The following PRPSAP2 variants were observed in gnomAD, a reference collection of about 807,000 sequenced individuals.
The protein encoded by PRPSAP2 is phosphoribosyl pyrophosphate synthetase associated protein 2.
Under a neutral mutation model 40.6 loss-of-function variants are expected in PRPSAP2, and 24 were observed. The ratio of observed to expected loss-of-function variants is 0.59; its 90% CI spans 0.43 to 0.83. PRPSAP2 has a LOEUF of 0.83. Ranked by LOEUF, PRPSAP2 falls within the 40% of genes least tolerant of loss-of-function variation. PRPSAP2 has a pLI of 0.00. For missense variants in PRPSAP2, 292 were observed against 465.6 expected (o/e 0.63, Z 3.43); for synonymous variants, 149 against 164.7 (o/e 0.90, Z 0.73).
intron 4 of PRPSAP2, among the ~76,000 whole-genome samples, chr17:18,869,789 ATT>A (rs36014797): frequency 0.53 from 77,204 of 145,648 alleles, 20,603 homozygotes; most frequent in Middle Eastern, 0.6. Context: ...TTTTTCCAAC[ATT>A]TTTTTTTTTC....
At chr17:18,882,758 C>T in intron 7 of PRPSAP2, 75 bp downstream of exon 7, 1 of 942,234 alleles carries the variant, frequency 1.1e-6, no homozygotes, top group Non-Finnish European at 1.7e-6. Context: ...CCTTAGGATA[C>T]CCCTAAAGGA....
At chr17:18,885,877 G>A (rs1016097586) in intron 7 of PRPSAP2, among the ~76,000 whole-genome samples, 2 of 151,876 alleles carry the variant, frequency 1.3e-5, no homozygotes, top group East Asian at 1.9e-4. Flanking sequence ...GTGAACCACC[G>A]CACTTGGCCT....
intron 8 of PRPSAP2, among the ~76,000 whole-genome samples, chr17:18,902,486 A>T (rs919546212): frequency 2.6e-5 from 4 of 151,184 alleles, no homozygotes; most frequent in African/African-American, 9.9e-5. Context: ...AGTTCCACCA[A>T]ATGTTGTTTC....
At chr17:18,916,363 C>T (rs546213052) in intron 9 of PRPSAP2, among the ~76,000 whole-genome samples, 7 of 151,690 alleles carry the variant, frequency 4.6e-5, no homozygotes, top group Admixed American at 1.3e-4. Flanking sequence ...TAACAAAATA[C>T]CTTAGACTTG....
rs1000408724 is a variant in PRPSAP2, at chr17:18,930,482, C to A, written c.952-58C>A. The A allele has an allele frequency of 1.9e-5, 30 of 1,540,240 alleles. No individual in the cohort carries two copies. The Admixed American group carries it at 4.9e-4, about 25-fold the overall frequency. On this transcript the variant is annotated intron_variant, in intron 11 of 11. Transcript: ENST00000268835. ...TTGAGAAGCTGTCACATTTCCAGAT[C>A]AAACCATGAAGCTACTTGGCTTTCT...
Position 18,911,210 on chromosome 17 carries a change from T to C in PRPSAP2, c.692T>C (p.Val231Ala). ...LVDGRHSPPMVRSVAAIHPSL... is the reference protein window; with the variant it reads ...LVDGRHSPPMARSVAAIHPSL... The stretch of plus-strand genomic sequence containing the variant: ...GATGGACGGCATTCCCCACCCATGG[T>C]CAGAAGTGTGGCTGCCATCCACCCC... The change falls in exon 9 of 12, where the codon GTC (valine) becomes GCC (alanine). Residue 231 changes from valine (V) to alanine (A), a missense_variant. Physicochemically the swap from Val to Ala is moderately conservative, Grantham distance 64. Around this residue, in one of 2 missense-constraint regions of PRPSAP2, gnomAD observed 241 missense variants for 425.7 expected, o/e 0.57. Coordinates refer to ENST00000268835, the MANE Select transcript of PRPSAP2 (RefSeq NM_002767.4). This position sits in a 1 kb window ranked among gnomAD's most constrained non-coding sequence, Gnocchi z 4.5. 1.2e-6 allele frequency: 2 copies of C among 1,613,564 alleles called. No homozygotes were observed. The highest frequency in any genetic ancestry group is 1.1e-5 in the South Asian group (1 of 91,020).
At position 18,911,793 on chromosome 17, in the gene PRPSAP2, G is replaced by T. The variant is rs908817162; in HGVS notation, c.733+542G>T. 2.0e-5 allele frequency among the ~76,000 whole-genome samples: 3 copies of T among 152,232 alleles called. No individual in the cohort carries two copies. The highest frequency in any genetic ancestry group is 4.4e-5 in the Non-Finnish European group (3 of 68,042). ...ATACCTATTTGTCTTAGTTCAGGCT[G>T]CTGTGATGAAATACCTTAGACTGGG... On this transcript the variant is annotated intron_variant, in intron 9 of 11. Coordinates refer to ENST00000268835, the MANE Select transcript of PRPSAP2 (RefSeq NM_002767.4). The surrounding 1 kb of genome is among the most constrained non-coding windows in gnomAD (Gnocchi z 4.5).
chr17:18,875,705 T>C (rs746927460), intron 5 of PRPSAP2, among the ~76,000 whole-genome samples: 10 of 150,974 alleles, frequency 6.6e-5, no homozygotes, highest in Non-Finnish European at 1.0e-4. Context: ...AATACAAAAA[T>C]TAGCTGGGCG....
chr17:18,864,579 C>T lies in PRPSAP2; in HGVS notation c.-128-890C>T, dbSNP rs148742904. On this transcript the variant is annotated intron_variant, in intron 1 of 11. Transcript: ENST00000268835. The stretch of plus-strand genomic sequence containing the variant: ...GTGCTGGGATTACAGGTCTGAGCCA[C>T]CGCGCCCAGCCATGTTTCAGGTTTT... Among the ~76,000 whole-genome samples the T allele has an allele frequency of 3.3e-3, 498 of 152,210 alleles. 1 individual carries two copies. Among genetic ancestry groups the T allele is most frequent in the African/African-American group, 0.012 (482 of 41,518 alleles).
rs529647348 is a variant in PRPSAP2 at position 18,890,327 on chromosome 17, G to A, written c.584+450G>A. 1.9e-3 allele frequency among the ~76,000 whole-genome samples: 288 copies of A among 151,708 alleles called. 1 individual carries two copies. Among genetic ancestry groups the A allele is most frequent in the Non-Finnish European group, 3.4e-3 (231 of 67,896 alleles). On this transcript the variant is annotated intron_variant, in intron 8 of 11. Coordinates refer to ENST00000268835, the MANE Select transcript of PRPSAP2 (RefSeq NM_002767.4). ...TGGGATTACAGGCGTGCACCACCAT[G>A]CCTGGCTAATTTTTGTATTTTTAGT...
At chr17:18,878,392 T>G (rs1048886537) in intron 6 of PRPSAP2, among the ~76,000 whole-genome samples, 2 of 152,160 alleles carry the variant, frequency 1.3e-5, no homozygotes, top group African/African-American at 4.8e-5. Flanking sequence ...TAGATAGGCA[T>G]ATATTGGAAA....
At position 18,911,178 on chromosome 17, in the gene PRPSAP2, C is replaced by T. The variant is rs769331182; in HGVS notation, c.660C>T (p.Asp220=). ...GAGAGGCGCAGGATGCCGAGTCGGA[C>T]TTGGTGGATGGACGGCATTCCCCAC... ...IHGEAQDAES[D]LVDGRHSPPM... The change falls in exon 9 of 12, where the codon GAC becomes GAT. Residue 220 remains aspartate (D), a synonymous_variant. Transcript: ENST00000268835. This position sits in a 1 kb window ranked among gnomAD's most constrained non-coding sequence, Gnocchi z 4.5. The T allele has an allele frequency of 1.9e-6, 3 of 1,613,986 alleles. No individual in the cohort carries two copies. The highest frequency in any genetic ancestry group is 2.2e-5 in the South Asian group (2 of 91,058).
chr17:18,921,392 T>G (rs2041681687), intron 9 of PRPSAP2, among the ~76,000 whole-genome samples: 1 of 152,158 alleles, frequency 6.6e-6, no homozygotes, highest in South Asian at 2.1e-4. Flanking sequence ...GGCATTGAGG[T>G]CAAGTGTCCT....
At chr17:18,872,998 C>A (rs568377033) in intron 5 of PRPSAP2, among the ~76,000 whole-genome samples, 1 of 151,634 alleles carries the variant, frequency 6.6e-6, no homozygotes, top group African/African-American at 2.4e-5. Context: ...GGCGCCACCA[C>A]GCCTGGCTAA....
At chr17:18,892,233 T>C (rs781314061) in intron 8 of PRPSAP2, among the ~76,000 whole-genome samples, 75 of 152,300 alleles carry the variant, frequency 4.9e-4, no homozygotes, top group Admixed American at 1.3e-3. Context: ...CATCTGTTGA[T>C]GGACACTTTT....
rs556205006 is a variant in PRPSAP2 at position 18,863,142 on chromosome 17, T to A, written c.-128-2327T>A. Among the ~76,000 whole-genome samples the A allele has an allele frequency of 3.3e-3, 498 of 152,166 alleles. 1 individual carries two copies. The highest frequency in any genetic ancestry group is 0.012 in the African/African-American group (482 of 41,504). On this transcript the variant is annotated intron_variant, in intron 1 of 11. Coordinates refer to ENST00000268835, the MANE Select transcript of PRPSAP2 (RefSeq NM_002767.4). ...GCAATTTTTTATTTATTTATTTTTT[T>A]ATTTTTTTGAGACGAGGTCGCATTC...
chr17:18,866,940 A>AG (rs2037473349), intron 3 of PRPSAP2, among the ~76,000 whole-genome samples: 6 of 151,948 alleles, frequency 3.9e-5, no homozygotes, highest in Non-Finnish European at 7.4e-5. Context: ...CTGGAGGCAG[A>AG]ACCCCCCCAA....
intron 5 of PRPSAP2, 105 bp from the exon 6 acceptor site, chr17:18,877,593 C>T (rs2038398210): frequency 9.0e-7 from 1 of 1,115,206 alleles, no homozygotes; most frequent in Non-Finnish European, 1.3e-6. Context: ...CTGCCTTGCA[C>T]CTTAGGTTGT....
chr17:18,869,838 T>TGTGTGTGTGTG (rs58195806), intron 4 of PRPSAP2, among the ~76,000 whole-genome samples: 23,507 of 138,994 alleles, frequency 0.17, 2,270 homozygotes, highest in Middle Eastern at 0.27. Flanking sequence ...TTGCTACTTT[T>TGTGTGTGTGTG]TTTTTGTGTG....
Sources: allele counts gnomAD v4.1 joint callset (sites outside exome capture counted in the v4.1 genomes callset), GRCh38; gene constraint gnomAD v4.1.1; regional missense constraint gnomAD v4.1.1; non-coding constraint Gnocchi (gnomAD v3.1); transcripts MANE v1.5; gene names NCBI Gene and HGNC (gene_info 2026-07-23, HGNC 2026-07-21).